The following CLNK variants were observed in gnomAD, a reference collection of about 807,000 sequenced individuals.
CLNK encodes cytokine-dependent hematopoietic cell linker.
In CLNK, 74 loss-of-function variants were observed where a neutral mutation model predicts 68.6. That is an observed-to-expected ratio of 1.08 (90% confidence interval 0.89 to 1.31). The LOEUF is 1.31. Ranked by LOEUF, CLNK falls within the 50% of genes most tolerant of loss-of-function variation. The pLI is 0.00. For synonymous variants in CLNK, 198 were observed against 172.2 expected, an observed-to-expected ratio of 1.15 and a Z score of -1.17; for missense variants, 553 against 515.3, an observed-to-expected ratio of 1.07 and a Z score of -0.71.
intron 6 of CLNK, 116 bp downstream of exon 6, chr4:10,565,893 A>C (rs887289492): frequency 9.0e-7 from 1 of 1,105,188 alleles, no homozygotes; most frequent in Non-Finnish European, 1.3e-6. Flanking sequence ...CTAGTAAGTC[A>C]TGGGGGCAGA....
At chr4:10,616,204 C>T (rs1012750077) in intron 2 of CLNK, among the ~76,000 whole-genome samples, 3 of 152,114 alleles carry the variant, frequency 2.0e-5, no homozygotes, top group Non-Finnish European at 4.4e-5. Flanking sequence ...ATCTCTTCAC[C>T]ACCCTCAATT....
chr4:10,513,947 C>T (rs1348631270), intron 15 of CLNK, among the ~76,000 whole-genome samples: 5 of 141,846 alleles, frequency 3.5e-5, no homozygotes, highest in Admixed American at 7.1e-5. Context: ...CATGCTGGTG[C>T]GCTGCACCCA....
the CLNK span, among the ~76,000 whole-genome samples, chr4:10,700,414 G>C: frequency 0.84 from 127,173 of 152,150 alleles, 53,518 homozygotes; most frequent in Non-Finnish European, 0.88. Context: ...TTACAGAGAT[G>C]TTGGAATTAT....
In CLNK at chr4:10,564,728, G is replaced by C; in HGVS notation, c.342C>G (p.Thr114=). ...VAMDTPLPLD[T]RTSISIGQPT... ...GCTGTCCAATGGAGATAGAGGTCCTGGTGTCTAACGGAAGGGGAGTGTCCA... is the reference window on the plus strand; with the variant it reads ...GCTGTCCAATGGAGATAGAGGTCCTCGTGTCTAACGGAAGGGGAGTGTCCA... Residue 114 remains threonine (T), a synonymous_variant, in exon 7 of 19, where the codon ACC becomes ACG. Transcript: ENST00000226951. 6.2e-7 allele frequency: 1 copy of C among 1,613,742 alleles called. No individual in the cohort carries two copies. The highest frequency in any genetic ancestry group is 1.6e-4 in the Middle Eastern group (1 of 6,062).
At chr4:10,508,138 A>T (rs1202198481) in intron 16 of CLNK, 102 bp from the exon 17 acceptor site, 5 of 838,848 alleles carry the variant, frequency 6.0e-6, no homozygotes, top group Admixed American at 2.3e-5. Flanking sequence ...GTGCCTAATC[A>T]TAGTGTAATC....
At chr4:10,546,305 C>T (rs749155730) in intron 8 of CLNK, among the ~76,000 whole-genome samples, 5 of 152,256 alleles carry the variant, frequency 3.3e-5, no homozygotes, top group East Asian at 1.9e-4. Flanking sequence ...GCCAAAATAA[C>T]CCTGCAGCTC....
chr4:10,611,312 G>A (rs543026195), intron 2 of CLNK, among the ~76,000 whole-genome samples: 9 of 151,992 alleles, frequency 5.9e-5, no homozygotes, highest in Admixed American at 1.3e-4. Flanking sequence ...GCAAGGCTCC[G>A]TCTCAAAAAC....
At chr4:10,651,592 C>T (rs1472674379) in intron 2 of CLNK, among the ~76,000 whole-genome samples, 1 of 151,976 alleles carries the variant, frequency 6.6e-6, no homozygotes, top group Non-Finnish European at 1.5e-5. Flanking sequence ...GTTGCATGTG[C>T]TTTAAAAAAT....
rs184951675 is a variant in CLNK, at chr4:10,594,277, C to T, written c.83+3701G>A. 2.9e-3 allele frequency among the ~76,000 whole-genome samples: 443 copies of T among 152,294 alleles called. 1 individual carries two copies. Among genetic ancestry groups the T allele is most frequent in the Non-Finnish European group, 4.9e-3 (335 of 68,012 alleles). ...CTGCACCCACCATTTCTCCAATCTC[C>T]CCCCATCCTCTGCCTTCCATCTTCC... is the stretch of plus-strand genomic sequence containing the variant. On this transcript the variant is annotated intron_variant, in intron 3 of 18. Transcript: ENST00000226951.
At chr4:10,631,228 A>C (rs769905955) in intron 2 of CLNK, among the ~76,000 whole-genome samples, 2 of 152,210 alleles carry the variant, frequency 1.3e-5, no homozygotes, top group Non-Finnish European at 2.9e-5. Context: ...TGCCCAGAGC[A>C]TATTGATTGA....
intron 13 of CLNK, among the ~76,000 whole-genome samples, chr4:10,526,299 C>A (rs1007345965): frequency 2.0e-5 from 3 of 152,100 alleles, no homozygotes; most frequent in African/African-American, 4.8e-5. Flanking sequence ...TACTGAATAG[C>A]TACTATGGGA....
chr4:10,585,012 C>A, intron 3 of CLNK, 57 bp from the exon 4 acceptor site: 1 of 1,585,530 alleles, frequency 6.3e-7, no homozygotes, highest in East Asian at 2.3e-5. Flanking sequence ...CACCGACCCC[C>A]CGCCACATAG....
In CLNK at chr4:10,568,889, G is replaced by C. The variant is rs28710853; in HGVS notation, c.151-2739C>G. ...TAAATGGTCAAGCTGCCAAATCTGT[G>C]GGGATGTGACATCACAGCAATGGAA... On this transcript the variant is annotated intron_variant, in intron 5 of 18. Transcript: ENST00000226951. Among the ~76,000 whole-genome samples the C allele has an allele frequency of 5.1e-3, 779 of 152,266 alleles. 8 individuals carry two copies. Among genetic ancestry groups the C allele is most frequent in the African/African-American group, 0.017 (726 of 41,538 alleles).
chr4:10,556,261 C>A (rs749096933), intron 8 of CLNK, among the ~76,000 whole-genome samples: 90 of 152,322 alleles, frequency 5.9e-4, no homozygotes, highest in Admixed American at 9.8e-4. Context: ...AAGCTTGATT[C>A]CCTTTTTGCT....
At chr4:10,497,883 C>T (rs913012978) in intron 18 of CLNK, among the ~76,000 whole-genome samples, 2 of 152,216 alleles carry the variant, frequency 1.3e-5, no homozygotes, top group Non-Finnish European at 2.9e-5. Context: ...CCCTTAAACC[C>T]AAGCATTTAA....
intron 8 of CLNK, among the ~76,000 whole-genome samples, chr4:10,545,119 G>A (rs990912343): frequency 1.3e-5 from 2 of 152,114 alleles, no homozygotes; most frequent in Non-Finnish European, 2.9e-5. Context: ...CTGGTTCACC[G>A]AAATGCATGT....
intron 2 of CLNK, among the ~76,000 whole-genome samples, chr4:10,658,214 A>G (rs1577201967): frequency 1.3e-5 from 2 of 152,184 alleles, no homozygotes; most frequent in East Asian, 3.8e-4. Context: ...CATCCTGCTC[A>G]CCCACTATCA....
rs1723478227 is a variant in CLNK at position 10,645,629 on chromosome 4, G to A, written c.11+22230C>T. 2.6e-5 allele frequency among the ~76,000 whole-genome samples: 4 copies of A among 151,976 alleles called. No homozygotes were observed. The South Asian group carries it at 8.3e-4, about 32-fold the overall frequency. On this transcript the variant is annotated intron_variant, in intron 2 of 18. Transcript: ENST00000226951. ...TAATATATGTACCAGGTACGTAGTA[G>A]GTACTTACAAAATGGCACATATGCA...
the CLNK span, among the ~76,000 whole-genome samples, chr4:10,726,668 T>C: frequency 6.6e-6 from 1 of 152,198 alleles, no homozygotes; most frequent in African/African-American, 2.4e-5. Flanking sequence ...TAATGAAGAT[T>C]AAAACAACCT....
Sources: allele counts gnomAD v4.1 joint callset (sites outside exome capture counted in the v4.1 genomes callset), GRCh38; gene constraint gnomAD v4.1.1; transcripts MANE v1.5; gene names NCBI Gene and HGNC (gene_info 2026-07-23, HGNC 2026-07-21).